SEMA6D: variants seen among roughly 807,000 people sequenced by gnomAD.
SEMA6D encodes the protein semaphorin 6D, also known as semaphorin-6D.
SEMA6D carries 35 observed loss-of-function variants against 106.6 expected under a neutral mutation model. That is an observed-to-expected ratio of 0.33 (90% CI 0.25 to 0.44). The LOEUF (loss-of-function observed/expected upper bound fraction) is 0.44. Among genes scored for constraint, SEMA6D ranks in the 20% least tolerant of loss-of-function variants. The probability of loss-of-function intolerance (pLI) is 1.00; values close to 1 mark genes in which losing one functional copy is unlikely to be tolerated. For missense variants in SEMA6D, 1,185 were observed against 1,345.9 expected, an observed-to-expected ratio of 0.88 and a Z score of 1.87; for synonymous variants, 499 against 487.7, an observed-to-expected ratio of 1.02 and a Z score of -0.31.
intron 4 of SEMA6D, among the ~76,000 whole-genome samples, chr15:47,616,601 T>C (rs1217878248): frequency 6.7e-6 from 1 of 149,462 alleles, no homozygotes; most frequent in Non-Finnish European, 1.5e-5. Context: ...AAAAAGATGA[T>C]CCTAGACAAG....
At chr15:47,685,082 T>C (rs954623375) in intron 4 of SEMA6D, among the ~76,000 whole-genome samples, 8 of 152,232 alleles carry the variant, frequency 5.3e-5, no homozygotes, top group Non-Finnish European at 1.2e-4. Context: ...CATATTCTAG[T>C]CCTCTTCAAA....
chr15:47,401,367 A>G (rs1567053955), intron 1 of SEMA6D, among the ~76,000 whole-genome samples: 8 of 152,208 alleles, frequency 5.3e-5, no homozygotes. Context: ...AAAAACAATC[A>G]TAAAATGTTG....
chr15:47,356,630 T>C (rs1455799780), intron 1 of SEMA6D, among the ~76,000 whole-genome samples: 2 of 151,930 alleles, frequency 1.3e-5, no homozygotes, highest in Non-Finnish European at 1.5e-5. Flanking sequence ...GGACCATGCC[T>C]TCATCCCTCT....
chr15:47,653,263 G>A (rs1277284483), intron 4 of SEMA6D, among the ~76,000 whole-genome samples: 2 of 152,090 alleles, frequency 1.3e-5, no homozygotes, highest in Admixed American at 6.6e-5. Context: ...GAAGCTATTC[G>A]CATGTAAGCA....
intron 4 of SEMA6D, among the ~76,000 whole-genome samples, chr15:47,707,930 A>G (rs16952900): frequency 0.052 from 7,843 of 152,162 alleles, 624 homozygotes; most frequent in African/African-American, 0.17. Flanking sequence ...TGGCCAGACT[A>G]AGAAACTTGG....
intron 3 of SEMA6D, among the ~76,000 whole-genome samples, chr15:47,588,278 G>A (rs2076378844): frequency 6.6e-6 from 1 of 152,164 alleles, no homozygotes; most frequent in Non-Finnish European, 1.5e-5. Flanking sequence ...TTTCAGAGGG[G>A]TAATTAACTT....
At chr15:47,752,893 C>T (rs2081521472) in intron 1 of SEMA6D, among the ~76,000 whole-genome samples, 1 of 151,678 alleles carries the variant, frequency 6.6e-6, no homozygotes. Context: ...CCTGTAATAC[C>T]AGCTACTTTG....
rs569084009 is a variant in SEMA6D at position 47,249,229 on chromosome 15, AAAAC to A, written c.-239+64827_-239+64830del. ...GGCGAGGGAGTGAGACTCCGTCTCA[AAAAC>A]AAACAAACAAACAAATAAACAAACA... is the stretch of plus-strand genomic sequence containing the variant. On this transcript the variant is annotated intron_variant, in intron 1 of 19. Coordinates refer to the SEMA6D transcript ENST00000558014. Among the ~76,000 whole-genome samples, 175 of 152,240 alleles carry A rather than the reference AAAAC, an allele frequency of 1.1e-3. No individual in the cohort carries two copies. The South Asian group carries it at 0.012, about 10-fold the overall frequency.
intron 1 of SEMA6D, among the ~76,000 whole-genome samples, chr15:47,323,602 C>T (rs113999583): frequency 0.011 from 1,672 of 152,198 alleles, 40 homozygotes; most frequent in African/African-American, 0.039. Flanking sequence ...TCACTCTGGT[C>T]ATGGATTCTA....
At position 47,537,183 on chromosome 15, in the gene SEMA6D, C is replaced by T. The variant is rs148879986; in HGVS notation, c.-86-63682C>T. On this transcript the variant is annotated intron_variant, in intron 3 of 19. Transcript: ENST00000558014. ...TTTTATAGTCAGAAAGTGAGAAAAA[C>T]AAACATTCCTCTTTTCACACTACAA... 3.2e-4 allele frequency among the ~76,000 whole-genome samples: 48 copies of T among 152,260 alleles called. 1 individual carries two copies. The highest frequency in any genetic ancestry group is 1.9e-3 in the South Asian group (9 of 4,826).
At chr15:47,357,749 C>A (rs1387449806) in intron 1 of SEMA6D, among the ~76,000 whole-genome samples, 1 of 152,186 alleles carries the variant, frequency 6.6e-6, no homozygotes, top group East Asian at 1.9e-4. Flanking sequence ...TTTGGCAACA[C>A]CCTCACAGAC....
intron 1 of SEMA6D, among the ~76,000 whole-genome samples, chr15:47,243,044 A>G (rs1566946797): frequency 1.3e-5 from 2 of 152,136 alleles, no homozygotes; most frequent in African/African-American, 4.8e-5. Context: ...AACACACACA[A>G]TCACTTATAT....
intron 1 of SEMA6D, among the ~76,000 whole-genome samples, chr15:47,366,214 G>A (rs996401752): frequency 7.2e-5 from 11 of 152,154 alleles, no homozygotes; most frequent in East Asian, 3.9e-4. Context: ...TATCATATGC[G>A]TCCCTATTGG....
At chr15:47,391,063 G>A (rs2040013439) in intron 1 of SEMA6D, among the ~76,000 whole-genome samples, 2 of 151,990 alleles carry the variant, frequency 1.3e-5, no homozygotes, top group Admixed American at 1.3e-4. Flanking sequence ...ATTTTACTAG[G>A]GTCTAATAAG....
At chr15:47,295,090 T>G (rs2035752812) in intron 1 of SEMA6D, among the ~76,000 whole-genome samples, 1 of 152,188 alleles carries the variant, frequency 6.6e-6, no homozygotes. Context: ...GCATCAGGTT[T>G]GAAGTCCCCG....
At chr15:47,413,993 C>T (rs1183063495) in intron 2 of SEMA6D, among the ~76,000 whole-genome samples, 1 of 149,870 alleles carries the variant, frequency 6.7e-6, no homozygotes, top group African/African-American at 2.5e-5. Context: ...TCTCAAATTG[C>T]CTTGCTGCTT....
At chr15:47,501,396 C>G (rs983226200) in intron 3 of SEMA6D, among the ~76,000 whole-genome samples, 1 of 152,174 alleles carries the variant, frequency 6.6e-6, no homozygotes, top group African/African-American at 2.4e-5. Context: ...AAGGACACAT[C>G]AGGGGTTTGC....
chr15:47,455,602 T>C (rs2042323506), intron 2 of SEMA6D, among the ~76,000 whole-genome samples: 1 of 151,884 alleles, frequency 6.6e-6, no homozygotes, highest in African/African-American at 2.4e-5. Flanking sequence ...TAAATACGCA[T>C]CCTAAGCCTC....
intron 1 of SEMA6D, among the ~76,000 whole-genome samples, chr15:47,365,732 G>A (rs1012717690): frequency 2.0e-5 from 3 of 151,916 alleles, no homozygotes; most frequent in African/African-American, 7.3e-5. Context: ...ATGGTGGCAG[G>A]TGCCTGTAAT....
Sources: gnomAD v4.1 joint callset for allele counts (sites outside exome capture counted in the v4.1 genomes callset) on GRCh38, gnomAD v4.1.1 for gene constraint, MANE v1.5 for transcripts, NCBI Gene and HGNC (gene_info 2026-07-23, HGNC 2026-07-21) for gene names.